HMGCLL1: variants seen among roughly 807,000 people sequenced by gnomAD.
HMGCLL1 encodes 3-hydroxy-3-methylglutaryl-CoA lyase like 1.
HMGCLL1 carries 36 observed loss-of-function variants against 39.1 expected under a neutral mutation model. The observed-to-expected ratio is 0.92, with a 90% confidence interval of 0.71 to 1.22. HMGCLL1 has a LOEUF of 1.22. Ranked by LOEUF, HMGCLL1 falls within the 50% of genes most tolerant of loss-of-function variation. HMGCLL1 has a pLI of 0.00. For synonymous variants in HMGCLL1, 149 were observed against 144.0 expected, an observed-to-expected ratio of 1.03 and a Z score of -0.25; for missense variants, 451 against 416.5, an observed-to-expected ratio of 1.08 and a Z score of -0.72.
the HMGCLL1 span, among the ~76,000 whole-genome samples, chr6:55,654,483 T>C: frequency 2.9e-3 from 439 of 152,068 alleles, 4 homozygotes; most frequent in African/African-American, 9.1e-3. Context: ...TCCACCATAA[T>C]GTCATCTATC....
At chr6:55,678,615 T>C in the HMGCLL1 span, among the ~76,000 whole-genome samples, 1 of 151,760 alleles carries the variant, frequency 6.6e-6, no homozygotes, top group Non-Finnish European at 1.5e-5. Context: ...CTGCATTAGC[T>C]CAGCAGTTAG....
the HMGCLL1 span, among the ~76,000 whole-genome samples, chr6:55,666,575 C>T: frequency 6.6e-6 from 1 of 151,634 alleles, no homozygotes; most frequent in Non-Finnish European, 1.5e-5. Context: ...GACCAGGCCA[C>T]AAATTATCAT....
rs1179197328 is a variant in HMGCLL1, at chr6:55,517,629, AC to A, written c.298-1027del. Among the ~76,000 whole-genome samples, 9 of 152,060 alleles carry A rather than the reference AC, an allele frequency of 5.9e-5. No individual in the cohort carries two copies. The East Asian group carries it at 1.5e-3, about 26-fold the overall frequency. The stretch of plus-strand genomic sequence containing the variant: ...AAAAATTAAAAGCAAATAAATCCAA[AC>A]AAAAAATGCTTTTTAAAACATAGTT... On this transcript the variant is annotated intron_variant, in intron 3 of 8. Coordinates refer to ENST00000274901, the MANE Select transcript of HMGCLL1 (RefSeq NM_001042406.2).
the HMGCLL1 span, among the ~76,000 whole-genome samples, chr6:55,650,057 T>TTTTA: frequency 4.7e-3 from 355 of 76,060 alleles, 5 homozygotes; most frequent in Admixed American, 0.012. Context: ...GTCTGAAAGG[T>TTTTA]TATATATATA....
At chr6:55,535,121 G>A (rs1021191309) in intron 3 of HMGCLL1, among the ~76,000 whole-genome samples, 6 of 152,142 alleles carry the variant, frequency 3.9e-5, no homozygotes, top group Admixed American at 1.3e-4. Flanking sequence ...GACCATTTGA[G>A]ATCATTTACT....
chr6:55,543,561 TA>T (rs1260114007), intron 1 of HMGCLL1, among the ~76,000 whole-genome samples: 40 of 118,526 alleles, frequency 3.4e-4, no homozygotes, highest in African/African-American at 1.0e-3. Flanking sequence ...TATATTTATA[TA>T]TTTTTATATA....
At chr6:55,497,322 TAA>T (rs148604505) in intron 6 of HMGCLL1, among the ~76,000 whole-genome samples, 4 of 148,712 alleles carry the variant, frequency 2.7e-5, no homozygotes, top group African/African-American at 9.8e-5. Context: ...ACTCTGTTCT[TAA>T]AAAAAAAAGA....
intron 7 of HMGCLL1, among the ~76,000 whole-genome samples, chr6:55,491,395 T>C (rs890677054): frequency 3.9e-5 from 6 of 152,070 alleles, no homozygotes; most frequent in African/African-American, 1.4e-4. Context: ...ATGTAAAAAT[T>C]AGGTAAATAA....
At chr6:55,609,424 A>G in the HMGCLL1 span, among the ~76,000 whole-genome samples, 1 of 152,154 alleles carries the variant, frequency 6.6e-6, no homozygotes, top group Non-Finnish European at 1.5e-5. Flanking sequence ...CCCCATGGCC[A>G]CACAGCCTTT....
At chr6:55,564,328 A>G (rs1377681646) in intron 1 of HMGCLL1, among the ~76,000 whole-genome samples, 1 of 152,128 alleles carries the variant, frequency 6.6e-6, no homozygotes, top group Non-Finnish European at 1.5e-5. Context: ...ATATCTTAGT[A>G]ACCAAGATTT....
chr6:55,487,503 G>A (rs972869061), intron 7 of HMGCLL1, among the ~76,000 whole-genome samples: 1 of 151,696 alleles, frequency 6.6e-6, no homozygotes, highest in Non-Finnish European at 1.5e-5. Context: ...GTGTCCATGT[G>A]TTCTCATTGT....
intron 1 of HMGCLL1, among the ~76,000 whole-genome samples, chr6:55,553,208 C>A (rs2127465943): frequency 7.1e-6 from 1 of 140,680 alleles, no homozygotes; most frequent in East Asian, 2.0e-4. Context: ...CACACATACA[C>A]ACACATATAT....
At chr6:55,661,719 T>G in the HMGCLL1 span, among the ~76,000 whole-genome samples, 4 of 151,978 alleles carry the variant, frequency 2.6e-5, no homozygotes, top group Admixed American at 2.0e-4. Flanking sequence ...CATATAAATT[T>G]TTAAAAAGTT....
chr6:55,577,875 T>C (rs1363415007), intron 1 of HMGCLL1, among the ~76,000 whole-genome samples: 1 of 152,112 alleles, frequency 6.6e-6, no homozygotes, highest in African/African-American at 2.4e-5. Flanking sequence ...CATCAACAGG[T>C]TTTGAGTTAG....
intron 5 of HMGCLL1, among the ~76,000 whole-genome samples, chr6:55,510,730 A>G (rs2127434184): frequency 6.6e-6 from 1 of 151,450 alleles, no homozygotes; most frequent in African/African-American, 2.4e-5. Context: ...AGCATGGCAC[A>G]TGTATACATA....
At chr6:55,494,683 A>G (rs1367940385) in intron 7 of HMGCLL1, among the ~76,000 whole-genome samples, 3 of 152,346 alleles carry the variant, frequency 2.0e-5, no homozygotes, top group East Asian at 3.9e-4. Flanking sequence ...GAAAGCTTTT[A>G]TATAGTCTTA....
chr6:55,616,180 CT>C, the HMGCLL1 span, among the ~76,000 whole-genome samples: 1 of 152,050 alleles, frequency 6.6e-6, no homozygotes, highest in Non-Finnish European at 1.5e-5. Flanking sequence ...TTTCCCCAGC[CT>C]TTGAATCTAT....
the HMGCLL1 span, among the ~76,000 whole-genome samples, chr6:55,586,683 A>G: frequency 6.6e-6 from 1 of 151,796 alleles, no homozygotes; most frequent in South Asian, 2.1e-4. Context: ...CTGGAGAATG[A>G]TGGTTTCCAG....
chr6:55,489,904 G>A (rs1766224275), intron 7 of HMGCLL1, among the ~76,000 whole-genome samples: 1 of 152,094 alleles, frequency 6.6e-6, no homozygotes, highest in Admixed American at 6.6e-5. Context: ...TTTTGCATAT[G>A]AGGAAATGCA....
Sources: allele counts gnomAD v4.1 joint callset (sites outside exome capture counted in the v4.1 genomes callset), GRCh38; gene constraint gnomAD v4.1.1; transcripts MANE v1.5; gene names NCBI Gene and HGNC (gene_info 2026-07-23, HGNC 2026-07-21).